MYO5B: variants seen among roughly 807,000 people sequenced by gnomAD.
The protein encoded by MYO5B is myosin VB.
Under a neutral mutation model 229.3 loss-of-function variants are expected in MYO5B, and 143 were observed. The ratio of observed to expected loss-of-function variants is 0.62; its 90% CI spans 0.54 to 0.72. MYO5B has a LOEUF of 0.72. Among genes scored for constraint, MYO5B ranks in the 30% least tolerant of loss-of-function variants. The pLI, the probability that MYO5B is intolerant of heterozygous loss-of-function variation, is 0.00. For missense variants in MYO5B, 2,321 were observed against 2,331.0 expected (o/e 1.00, Z 0.09); for synonymous variants, 918 against 885.2 (o/e 1.04, Z -0.66).
At chr18:50,126,734 C>G (rs889694821) in intron 1 of MYO5B, among the ~76,000 whole-genome samples, 1 of 152,158 alleles carries the variant, frequency 6.6e-6, no homozygotes, top group African/African-American at 2.4e-5. Flanking sequence ...CTCCAAGCCT[C>G]CAATGCATTT....
At chr18:50,083,817 A>G (rs552106286) in intron 1 of MYO5B, among the ~76,000 whole-genome samples, 1 of 152,156 alleles carries the variant, frequency 6.6e-6, no homozygotes, top group Admixed American at 6.5e-5. Flanking sequence ...TACCCAAGAT[A>G]ACCAGGGATC....
At chr18:49,867,697 G>A (rs750975396) in intron 27 of MYO5B, among the ~76,000 whole-genome samples, 35 of 152,080 alleles carry the variant, frequency 2.3e-4, no homozygotes, top group Non-Finnish European at 4.4e-4. Flanking sequence ...CACTGGAGGC[G>A]GCACAATTTT....
chr18:50,166,812 T>G (rs2032858900), intron 1 of MYO5B, among the ~76,000 whole-genome samples: 1 of 152,118 alleles, frequency 6.6e-6, no homozygotes, highest in Non-Finnish European at 1.5e-5. Context: ...AAGGGGGAAT[T>G]ACAACTACTT....
intron 13 of MYO5B, among the ~76,000 whole-genome samples, chr18:49,954,104 A>G (rs1234759102): frequency 4.0e-5 from 6 of 150,962 alleles, no homozygotes; most frequent in Non-Finnish European, 7.4e-5. Flanking sequence ...CTGGGCAACT[A>G]TAGTACCCCC....
intron 18 of MYO5B, among the ~76,000 whole-genome samples, chr18:49,911,536 C>T (rs764512373): frequency 5.3e-5 from 8 of 152,198 alleles, no homozygotes; most frequent in Admixed American, 1.3e-4. Context: ...TGATGTACCA[C>T]GGTTGTGTAA....
chr18:50,188,810 A>C (rs556955518), intron 1 of MYO5B, among the ~76,000 whole-genome samples: 72,822 of 144,446 alleles, frequency 0.5, 19,226 homozygotes, highest in Admixed American at 0.6. Context: ...AAAAAAAAAA[A>C]AAAAAAACAC....
At chr18:49,910,865 T>G (rs987975014) in intron 18 of MYO5B, among the ~76,000 whole-genome samples, 2 of 152,204 alleles carry the variant, frequency 1.3e-5, no homozygotes, top group African/African-American at 2.4e-5. Flanking sequence ...TCAAGTGATT[T>G]TTGATATAAT....
intron 9 of MYO5B, among the ~76,000 whole-genome samples, chr18:49,976,892 G>A (rs1269050635): frequency 6.6e-6 from 1 of 152,232 alleles, no homozygotes; most frequent in Non-Finnish European, 1.5e-5. Flanking sequence ...AACAAGTTCA[G>A]AGGTGGCAAG....
At chr18:49,886,305 A>G (rs560062367) in intron 22 of MYO5B, among the ~76,000 whole-genome samples, 70 of 152,228 alleles carry the variant, frequency 4.6e-4, no homozygotes, top group African/African-American at 1.7e-3. Flanking sequence ...CTTTCCCTTC[A>G]ATTCAAGCAG....
intron 1 of MYO5B, among the ~76,000 whole-genome samples, chr18:50,145,481 G>A (rs182683161): frequency 9.4e-6 from 1 of 106,354 alleles, no homozygotes; most frequent in East Asian, 3.0e-4. Context: ...CTGGGCAACA[G>A]AGCAAGACTC....
At chr18:49,855,892 T>C (rs946826309) in intron 30 of MYO5B, among the ~76,000 whole-genome samples, 4 of 152,358 alleles carry the variant, frequency 2.6e-5, no homozygotes, top group Middle Eastern at 3.4e-3. Flanking sequence ...CGCCACCACC[T>C]GGCTGAGGGA....
chr18:49,891,984 C>T lies in MYO5B; in HGVS notation c.3045+2957G>A, dbSNP rs1476237545. 2.0e-4 allele frequency among the ~76,000 whole-genome samples: 13 copies of T among 64,198 alleles called. 1 individual carries two copies. In the Admixed American group the frequency reaches 2.5e-3, roughly 12 times the overall value. 42.1% of individuals were successfully genotyped at this position (64,198 alleles called of 152,430 possible). A position where few individuals can be genotyped will look rare whatever the true frequency, so the allele number is the denominator to read the frequency against. Reference sequence around the variant, plus strand: ...GCTGTGGGTGGTTCCTCCTCACCCACCACAGCCCTGCACCAAGTAAGCCTT... The same window carrying T: ...GCTGTGGGTGGTTCCTCCTCACCCATCACAGCCCTGCACCAAGTAAGCCTT... On this transcript the variant is annotated intron_variant, in intron 22 of 39. Transcript: ENST00000285039.
chr18:50,107,411 G>C (rs1275656793), intron 1 of MYO5B, among the ~76,000 whole-genome samples: 1 of 151,908 alleles, frequency 6.6e-6, no homozygotes, highest in Non-Finnish European at 1.5e-5. Flanking sequence ...GAAATGAGGA[G>C]CTCAGATAAG....
rs563257945 is a variant in MYO5B, at chr18:50,170,128, A to T, written c.27+24639T>A. The stretch of plus-strand genomic sequence containing the variant: ...GGAAAACCCACCAAAAAGTTAACAG[A>T]AAAGCTGTGACTTGCTGCATGGACA... On this transcript the variant is annotated intron_variant, in intron 1 of 39. Coordinates refer to ENST00000285039, the MANE Select transcript of MYO5B (RefSeq NM_001080467.3). Among the ~76,000 whole-genome samples the T allele has an allele frequency of 1.6e-5, 2 of 127,730 alleles. 1 individual carries two copies. Among genetic ancestry groups the T allele is most frequent in the Non-Finnish European group, 3.3e-5 (2 of 59,894 alleles). 83.8% of individuals were successfully genotyped at this position (127,730 alleles called of 152,430 possible). A position where few individuals can be genotyped will look rare whatever the true frequency, so the allele number is the denominator to read the frequency against.
intron 34 of MYO5B, among the ~76,000 whole-genome samples, chr18:49,842,251 T>G (rs545671265): frequency 6.6e-6 from 1 of 152,250 alleles, no homozygotes; most frequent in East Asian, 1.9e-4. Flanking sequence ...AGCTGGATGG[T>G]GCTCACGAAA....
rs1417849276 is a variant in MYO5B, at chr18:49,926,724, A to C, written c.2090+2788T>G. ...ATGATAGTTATTTTTTAACTCAAAGAAACTTTATTTTCCCACCACAGATTT... is the reference window on the plus strand; with the variant it reads ...ATGATAGTTATTTTTTAACTCAAAGCAACTTTATTTTCCCACCACAGATTT... On this transcript the variant is annotated intron_variant, in intron 17 of 39. Transcript: ENST00000285039. Among the ~76,000 whole-genome samples the C allele has an allele frequency of 2.0e-5, 3 of 152,234 alleles. No individual in the cohort carries two copies. The South Asian group carries it at 6.2e-4, about 31-fold the overall frequency.
At chr18:50,079,472 C>T (rs186744096) in intron 1 of MYO5B, among the ~76,000 whole-genome samples, 3 of 152,346 alleles carry the variant, frequency 2.0e-5, no homozygotes, top group African/African-American at 7.2e-5. Flanking sequence ...CACACTTCGA[C>T]TTAAAAGACA....
At chr18:50,082,679 T>TC (rs1568099598) in intron 1 of MYO5B, among the ~76,000 whole-genome samples, 1 of 152,162 alleles carries the variant, frequency 6.6e-6, no homozygotes, top group South Asian at 2.1e-4. Flanking sequence ...CTTCTGTCCC[T>TC]CCTAGGAGCT....
intron 1 of MYO5B, among the ~76,000 whole-genome samples, chr18:50,091,162 G>GTGGTGGCAGCCACTTGCCTTTTA (rs2031440014): frequency 6.6e-6 from 1 of 152,142 alleles, no homozygotes; most frequent in Non-Finnish European, 1.5e-5. Flanking sequence ...CTTGCCACCA[G>GTGGTGGCAGCCACTTGCCTTTTA]GTCAAAGGAG....
Sources: allele counts gnomAD v4.1 joint callset (sites outside exome capture counted in the v4.1 genomes callset), GRCh38; gene constraint gnomAD v4.1.1; transcripts MANE v1.5; gene names NCBI Gene and HGNC (gene_info 2026-07-23, HGNC 2026-07-21).